FBXW11: variants seen among roughly 807,000 people sequenced by gnomAD.
FBXW11 encodes the protein F-box/WD repeat-containing protein 11.
A neutral mutation model predicts 77.6 loss-of-function variants in FBXW11; 19 were observed. The observed-to-expected ratio is 0.24, with a 90% confidence interval of 0.17 to 0.36. The LOEUF (loss-of-function observed/expected upper bound fraction) is 0.36, where lower values mean the gene tolerates loss of function less well. Ranked by LOEUF, FBXW11 falls within the 10% of genes least tolerant of loss-of-function variation. The pLI, the probability that FBXW11 is intolerant of heterozygous loss-of-function variation, is 1.00. For synonymous variants in FBXW11, 235 were observed against 249.4 expected, an observed-to-expected ratio of 0.94 and a Z score of 0.54; for missense variants, 334 against 704.2, an observed-to-expected ratio of 0.47 and a Z score of 5.95.
chr5:171,940,479 G>A (rs1762691561), intron 2 of FBXW11, among the ~76,000 whole-genome samples: 1 of 152,152 alleles, frequency 6.6e-6, no homozygotes, highest in Admixed American at 6.5e-5. Flanking sequence ...AAGGAAACAA[G>A]GCTCTTCGGA....
intron 1 of FBXW11, among the ~76,000 whole-genome samples, chr5:171,992,446 G>A (rs1006753827): frequency 6.7e-6 from 1 of 149,206 alleles, no homozygotes; most frequent in Non-Finnish European, 1.5e-5. Context: ...GAGAAAGGGG[G>A]AGAGAGAGAG....
In FBXW11 at chr5:171,862,273, C is replaced by T. The variant is rs913007711; in HGVS notation, c.*1854G>A. On this transcript the variant is annotated 3_prime_UTR_variant, in exon 14 of 14. Transcript: ENST00000517395. ...GAGGTTTATTGTTTACACTTTGAGA[C>T]TCAACCTCTCAAAAACATAAATTAA... 7.9e-5 allele frequency: 12 copies of T among 152,578 alleles called. No individual in the cohort carries two copies. The highest frequency in any genetic ancestry group is 2.9e-4 in the African/African-American group (12 of 41,430). 9.5% of individuals were successfully genotyped at this position (152,578 alleles called of 1,614,324 possible). A position where few individuals can be genotyped will look rare whatever the true frequency, so the allele number is the denominator to read the frequency against.
At chr5:171,874,752 CA>C (rs34775989) in intron 9 of FBXW11, among the ~76,000 whole-genome samples, 2,504 of 38,128 alleles carry the variant, frequency 0.066, 10 homozygotes, top group African/African-American at 0.11. Context: ...CTGGTCTCTA[CA>C]AAAAAAAAAA....
chr5:171,945,345 G>A (rs879459960), intron 2 of FBXW11, among the ~76,000 whole-genome samples: 14 of 152,152 alleles, frequency 9.2e-5, no homozygotes, highest in Admixed American at 2.0e-4. Flanking sequence ...TCATCCCTAT[G>A]AAAATAGTTT....
intron 1 of FBXW11, among the ~76,000 whole-genome samples, chr5:172,004,617 G>A (rs895826235): frequency 1.3e-5 from 2 of 152,106 alleles, no homozygotes; most frequent in African/African-American, 4.8e-5. Context: ...AATGGAAGGA[G>A]CTGGGAACAG....
At chr5:171,975,013 C>T (rs1764748552) in intron 1 of FBXW11, among the ~76,000 whole-genome samples, 1 of 152,072 alleles carries the variant, frequency 6.6e-6, no homozygotes, top group African/African-American at 2.4e-5. Context: ...AGGCTAGTCT[C>T]GAACTCCTGA....
At chr5:171,899,729 A>C (rs1759989344) in intron 5 of FBXW11, among the ~76,000 whole-genome samples, 185 bp downstream of exon 5, 1 of 152,202 alleles carries the variant, frequency 6.6e-6, no homozygotes, top group South Asian at 2.1e-4. Flanking sequence ...TCATAAAGGA[A>C]ATACACATTT....
At chr5:171,888,657 T>A (rs1471628926) in intron 7 of FBXW11, among the ~76,000 whole-genome samples, 1 of 152,136 alleles carries the variant, frequency 6.6e-6, no homozygotes, top group African/African-American at 2.4e-5. Flanking sequence ...AAAATACTAG[T>A]TTAAATTACC....
intron 4 of FBXW11, among the ~76,000 whole-genome samples, chr5:171,909,276 C>T (rs949430641): frequency 1.3e-5 from 2 of 152,058 alleles, no homozygotes; most frequent in African/African-American, 2.4e-5. Flanking sequence ...AGCAAGATGC[C>T]ACCTCGTTGA....
Position 171,929,081 on chromosome 5 carries a change from T to A in FBXW11, c.148-14676A>T, listed in dbSNP as rs1453725325. Among the ~76,000 whole-genome samples, 27 of 143,902 alleles carry A rather than the reference T, an allele frequency of 1.9e-4. 1 individual carries two copies. The South Asian group carries it at 3.7e-3, about 20-fold the overall frequency. The allele number at this position is 143,902 out of a possible 152,430, so 94.4% of individuals were successfully genotyped here. On this transcript the variant is annotated intron_variant, in intron 2 of 13. Coordinates refer to ENST00000517395, the MANE Select transcript of FBXW11 (RefSeq NM_001378974.1). ...GAGCAAGCTCCATCTAAAAAAAAAA[T>A]AAAAAATAGGCTGGGCAGTGGCTCA...
In FBXW11 at chr5:171,868,684, T is replaced by C; in HGVS notation, c.1643A>G (p.Gln548Arg). 1 of 1,613,986 alleles carries C rather than the reference T, an allele frequency of 6.2e-7. No individual in the cohort carries two copies. ...TCTGGAGGGAGAACGGGTCTCATTC[T>C]GGGCACTGGGAGGCACATTTAAGAA... ...WDFLNVPPSAQNETRSPSRTY... is the reference protein window; with the variant it reads ...WDFLNVPPSARNETRSPSRTY... Residue 548 changes from glutamine to arginine, a missense_variant, in exon 13 of 14, where the codon CAG (glutamine) becomes CGG (arginine). Physicochemically the swap from Gln to Arg is conservative, Grantham distance 43 (BLOSUM62 1). Coordinates refer to ENST00000517395, the MANE Select transcript of FBXW11 (RefSeq NM_001378974.1).
chr5:171,943,747 C>A (rs552334537), intron 2 of FBXW11, among the ~76,000 whole-genome samples: 2 of 152,320 alleles, frequency 1.3e-5, no homozygotes, highest in Admixed American at 1.3e-4. Flanking sequence ...CCGGGCATGG[C>A]CTAGATCTTG....
chr5:171,985,829 C>T (rs894744103), intron 1 of FBXW11, among the ~76,000 whole-genome samples: 7 of 152,108 alleles, frequency 4.6e-5, no homozygotes, highest in Non-Finnish European at 1.0e-4. Flanking sequence ...CACCAGCAGT[C>T]CCAACTACTT....
Position 171,869,688 on chromosome 5 carries a change from C to A in FBXW11, c.1530+41G>T. On this transcript the variant is annotated intron_variant, in intron 12 of 13. Coordinates refer to ENST00000517395, the MANE Select transcript of FBXW11 (RefSeq NM_001378974.1). This position sits in a 1 kb window ranked among gnomAD's most constrained non-coding sequence, Gnocchi z 4.1. ...AGGACTATCTGCAAATGGTCATCCT[C>A]CAGCACAGGGAACCAATTCCCGTCT... is the stretch of plus-strand genomic sequence containing the variant. 1 of 1,524,838 alleles carries A rather than the reference C, an allele frequency of 6.6e-7. No individual in the cohort carries two copies. Among genetic ancestry groups the A allele is most frequent in the East Asian group, 2.4e-5 (1 of 42,504 alleles). 94.5% of individuals were successfully genotyped at this position (1,524,838 alleles called of 1,614,324 possible). A position where few individuals can be genotyped will look rare whatever the true frequency, so the allele number is the denominator to read the frequency against.
At chr5:171,946,361 G>A (rs1211629574) in intron 2 of FBXW11, among the ~76,000 whole-genome samples, 4 of 152,164 alleles carry the variant, frequency 2.6e-5, no homozygotes, top group Non-Finnish European at 5.9e-5. Flanking sequence ...AGCAGGTAGA[G>A]GGATCCTGTC....
intron 3 of FBXW11, 35 bp from the exon 4 acceptor site, chr5:171,910,832 C>A: frequency 7.2e-7 from 1 of 1,396,710 alleles, no homozygotes; most frequent in Non-Finnish European, 9.7e-7. Flanking sequence ...ATTAGTTTAA[C>A]AAGGAAAGAA....
In FBXW11 at chr5:171,910,587, T is replaced by C. The variant is rs1197310049; in HGVS notation, c.421A>G (p.Ile141Val). The change falls in exon 4 of 14, where the codon ATT becomes GTT. Residue 141 changes from isoleucine to valine, a missense_variant. Coordinates refer to ENST00000517395, the MANE Select transcript of FBXW11 (RefSeq NM_001378974.1). ...YLKPMLQRDF[I>V]TALPEQGLDH... ...GTACAGTTACCTGGTAAAGCGGTAA[T>C]AAAGTCCCGCTGCAACATGGGCTTC... 1.2e-6 allele frequency: 2 copies of C among 1,613,000 alleles called. No individual in the cohort carries two copies. Among genetic ancestry groups the C allele is most frequent in the Non-Finnish European group, 1.7e-6 (2 of 1,179,406 alleles).
chr5:171,876,630 T>C lies in FBXW11; in HGVS notation c.972-96A>G. On this transcript the variant is annotated intron_variant, in intron 8 of 13. Coordinates refer to ENST00000517395, the MANE Select transcript of FBXW11 (RefSeq NM_001378974.1). This position sits in a 1 kb window ranked among gnomAD's most constrained non-coding sequence, Gnocchi z 4.2. ...CTGTCTGGGTCTGCAATGGTTTGGA[T>C]ATAGTTTGTCTGACTCTACCAAATC... 6.8e-7 allele frequency: 1 copy of C among 1,475,812 alleles called. No homozygotes were observed. The highest frequency in any genetic ancestry group is 9.2e-7 in the Non-Finnish European group (1 of 1,083,244). The allele number at this position is 1,475,812 out of a possible 1,614,324, so 91.4% of individuals were successfully genotyped here.
At position 171,900,110 on chromosome 5, in the gene FBXW11, A is replaced by G. The variant is rs1760012279; in HGVS notation, c.437-10T>C. On this transcript the variant is annotated splice_polypyrimidine_tract_variant and intron_variant, in intron 4 of 13. Transcript: ENST00000517395. ...TGATCTAAGCCTTGCTCTACAAAAC[A>G]GAAAAGGGAATGAAGGAACGGGAAG... 1.9e-6 allele frequency: 3 copies of G among 1,589,294 alleles called. No homozygotes were observed. In the South Asian group the frequency reaches 3.5e-5, roughly 18 times the overall value.
Sources: allele counts gnomAD v4.1 joint callset (sites outside exome capture counted in the v4.1 genomes callset), GRCh38; gene constraint gnomAD v4.1.1; non-coding constraint Gnocchi (gnomAD v3.1); transcripts MANE v1.5; gene names NCBI Gene and HGNC (gene_info 2026-07-23, HGNC 2026-07-21).